Variants in NINL observed in about 807,000 individuals in gnomAD.
NINL encodes ninein-like protein.
NINL carries 153 observed loss-of-function variants against 160.3 expected under a neutral mutation model. That is an observed-to-expected ratio of 0.95 (90% CI 0.84 to 1.09). The LOEUF (loss-of-function observed/expected upper bound fraction) is 1.09, where lower values mean the gene tolerates loss of function less well. Ranked by LOEUF, NINL falls within the 50% of genes least tolerant of loss-of-function variation. The pLI is 0.00. For synonymous variants in NINL, 800 were observed against 734.8 expected (o/e 1.09, Z -1.43); for missense variants, 1,829 against 1,764.0 (o/e 1.04, Z -0.66).
At chr20:25,461,274 G>T (rs2062778918) in intron 21 of NINL, among the ~76,000 whole-genome samples, 1 of 152,170 alleles carries the variant, frequency 6.6e-6, no homozygotes, top group South Asian at 2.1e-4. Flanking sequence ...CTCACCCACA[G>T]GCATGGTGCC....
chr20:25,460,541 G>A (rs556362351), intron 21 of NINL, among the ~76,000 whole-genome samples: 2 of 152,140 alleles, frequency 1.3e-5, no homozygotes, highest in South Asian at 2.1e-4. Context: ...CAAAGGACTC[G>A]AACTGGCCCA....
chr20:25,478,822 G>A (rs529917109), intron 16 of NINL, 101 bp downstream of exon 16: 14 of 1,376,874 alleles, frequency 1.0e-5, no homozygotes, highest in East Asian at 2.3e-5. Context: ...CCACCCAGTC[G>A]GGAGGCACAG....
chr20:25,472,328 T>G (rs1340324205), intron 17 of NINL, among the ~76,000 whole-genome samples: 7 of 28,802 alleles, frequency 2.4e-4, no homozygotes, highest in African/African-American at 3.9e-4. Flanking sequence ...GGAGAGGATA[T>G]ATATATATAT....
rs757699036 is a variant in NINL at position 25,526,474 on chromosome 20, C to T, written c.114G>A (p.Lys38=). 9 of 1,614,098 alleles carry T rather than the reference C, an allele frequency of 5.6e-6. No homozygotes were observed. The African/African-American group carries it at 8.0e-5, about 14-fold the overall frequency. Residue 38 remains lysine (K), a synonymous_variant, in exon 2 of 24, where the codon AAG becomes AAA. Coordinates refer to ENST00000278886, the MANE Select transcript of NINL (RefSeq NM_025176.6). ...DRQELTQLCL[K]LHLEQQLPVL... ...CGGGCAGCTGCTGCTCCAGGTGAAG[C>T]TTAAGGCAGAGCTGGGTCAGCTCCT...
chr20:25,525,162 T>C (rs1308019380), intron 2 of NINL, among the ~76,000 whole-genome samples: 1 of 152,152 alleles, frequency 6.6e-6, no homozygotes, highest in Non-Finnish European at 1.5e-5. Flanking sequence ...TGAGTTTGCC[T>C]GAGGAGAGTT....
chr20:25,460,945 C>G (rs1266360795), intron 21 of NINL, among the ~76,000 whole-genome samples: 2 of 152,220 alleles, frequency 1.3e-5, no homozygotes, highest in Non-Finnish European at 2.9e-5. Context: ...CTCTTCTCCT[C>G]TCCCTTGAGC....
chr20:25,461,736 A>G, intron 20 of NINL, 101 bp from the exon 21 acceptor site: 1 of 827,020 alleles, frequency 1.2e-6, no homozygotes. Context: ...GAAAAAAAGT[A>G]CAAAATTTAA....
chr20:25,458,329 C>T lies in NINL; in HGVS notation c.3843+54G>A, dbSNP rs988652558. 26 of 1,595,584 alleles carry T rather than the reference C, an allele frequency of 1.6e-5. No individual in the cohort carries two copies. In the East Asian group the frequency reaches 2.2e-4, roughly 14 times the overall value. On this transcript the variant is annotated intron_variant, in intron 22 of 23. Coordinates refer to ENST00000278886, the MANE Select transcript of NINL (RefSeq NM_025176.6). ...CTGGGTAACTGAGGACCGGTGGGCCCGCCTCACCCTCCTCCTCATCTCGTC... is the reference window on the plus strand; with the variant it reads ...CTGGGTAACTGAGGACCGGTGGGCCTGCCTCACCCTCCTCCTCATCTCGTC...
At chr20:25,481,889 C>A (rs1022366463) in intron 14 of NINL, 79 bp downstream of exon 14, 6 of 1,536,188 alleles carry the variant, frequency 3.9e-6, no homozygotes, top group African/African-American at 1.4e-5. Flanking sequence ...TTCATCATCT[C>A]CACTCTCTTT....
Position 25,478,887 on chromosome 20 carries a change from C to T in NINL, c.2201+36G>A, listed in dbSNP as rs2063323932. 10 of 1,483,682 alleles carry T rather than the reference C, an allele frequency of 6.7e-6. No homozygotes were observed. The Admixed American group carries it at 1.8e-4, about 27-fold the overall frequency. The allele number at this position is 1,483,682 out of a possible 1,614,324, so 91.9% of individuals were successfully genotyped here. A position where few individuals can be genotyped will look rare whatever the true frequency, so the allele number is the denominator to read the frequency against. ...TCAAATTTTGGTTCTTGGCAAGAAA[C>T]CCCAGACTTGAAATCTCAAAAGAAG... On this transcript the variant is annotated intron_variant, in intron 16 of 23. Transcript: ENST00000278886.
intron 3 of NINL, among the ~76,000 whole-genome samples, chr20:25,513,529 C>A (rs1220156270): frequency 1.3e-5 from 2 of 151,378 alleles, no homozygotes; most frequent in Admixed American, 6.6e-5. Context: ...CAGGCACCAT[C>A]AAGGACTGGC....
chr20:25,503,931 G>A, intron 7 of NINL, 21 bp downstream of exon 7: 1 of 1,614,032 alleles, frequency 6.2e-7, no homozygotes, highest in South Asian at 1.1e-5. Context: ...CTGGGTTCAG[G>A]ATTTAACTGT....
At chr20:25,509,143 C>T (rs1028595847) in intron 5 of NINL, among the ~76,000 whole-genome samples, 3 of 152,166 alleles carry the variant, frequency 2.0e-5, no homozygotes, top group African/African-American at 7.2e-5. Context: ...GAAATCCCAG[C>T]CCTGTTTTTG....
intron 22 of NINL, 82 bp from the exon 23 acceptor site, chr20:25,455,868 G>A (rs1357994704): frequency 7.3e-6 from 8 of 1,098,202 alleles, no homozygotes; most frequent in East Asian, 2.4e-5. Context: ...CGAGGCGGGC[G>A]GATCACCTGA....
rs73337321 is a variant in NINL, at chr20:25,538,398, T to A, written c.-11-11800A>T. On this transcript the variant is annotated intron_variant, in intron 1 of 23. Transcript: ENST00000278886. Reference sequence around the variant, plus strand: ...CCTGTAAAAACACTACATGGTATATTTTTTTTCTTCCACCACAACATAAAT... The same window carrying A: ...CCTGTAAAAACACTACATGGTATATATTTTTTCTTCCACCACAACATAAAT... 8.7e-3 allele frequency among the ~76,000 whole-genome samples: 1,320 copies of A among 152,248 alleles called. 26 individuals carry two copies. The highest frequency in any genetic ancestry group is 0.03 in the African/African-American group (1,256 of 41,524).
Position 25,469,163 on chromosome 20 carries a change from C to T in NINL, c.3353+828G>A, listed in dbSNP as rs13044451. On this transcript the variant is annotated intron_variant, in intron 18 of 23. Transcript: ENST00000278886. ...GTGGGTGCCCCACTGCCCTGTCCCT[C>T]GACTCTCACTGGTGAGTGTCCCCTT... 2.9e-3 allele frequency among the ~76,000 whole-genome samples: 375 copies of T among 128,616 alleles called. 17 individuals are homozygous for T. Among genetic ancestry groups the T allele is most frequent in the African/African-American group, 0.01 (306 of 29,826 alleles). 84.4% of individuals were successfully genotyped at this position (128,616 alleles called of 152,430 possible). A position where few individuals can be genotyped will look rare whatever the true frequency, so the allele number is the denominator to read the frequency against.
At chr20:25,540,780 T>A (rs2064650197) in intron 1 of NINL, among the ~76,000 whole-genome samples, 1 of 152,220 alleles carries the variant, frequency 6.6e-6, no homozygotes, top group African/African-American at 2.4e-5. Context: ...CCAGCAGGAA[T>A]CAACCTTCAC....
chr20:25,476,718 A>G lies in NINL; in HGVS notation c.2573T>C (p.Leu858Pro). 1 of 1,601,492 alleles carries G rather than the reference A, an allele frequency of 6.2e-7. No individual in the cohort carries two copies. The highest frequency in any genetic ancestry group is 1.1e-5 in the South Asian group (1 of 90,364). The change falls in exon 17 of 24, where the codon CTG becomes CCG. Residue 858 changes from leucine to proline, a missense_variant. Physicochemically the swap from Leu to Pro is moderately conservative, Grantham distance 98. Coordinates refer to ENST00000278886, the MANE Select transcript of NINL (RefSeq NM_025176.6). Reference sequence around the variant, plus strand: ...GCCATCACCTGGGGCCAGCCAGGCCAGTGGCCGCTCCCCACAGCCCGGACG... The same window carrying G: ...GCCATCACCTGGGGCCAGCCAGGCCGGTGGCCGCTCCCCACAGCCCGGACG... Reference protein sequence around the residue: ...PLRPGCGERPLAWLAPGDGRE... With the variant: ...PLRPGCGERPPAWLAPGDGRE...
chr20:25,519,260 T>C (rs1049184409), intron 2 of NINL, among the ~76,000 whole-genome samples: 1 of 152,198 alleles, frequency 6.6e-6, no homozygotes, highest in Non-Finnish European at 1.5e-5. Context: ...TAGCTCCAGT[T>C]ACCACACTCC....
Sources: gnomAD v4.1 joint callset for allele counts (sites outside exome capture counted in the v4.1 genomes callset) on GRCh38, gnomAD v4.1.1 for gene constraint, MANE v1.5 for transcripts, NCBI Gene and HGNC (gene_info 2026-07-23, HGNC 2026-07-21) for gene names.